RASGEF1A: variants seen among roughly 807,000 people sequenced by gnomAD.
The protein encoded by RASGEF1A is RasGEF domain family member 1A.
RASGEF1A carries 18 observed loss-of-function variants against 56.4 expected under a neutral mutation model. That is an observed-to-expected ratio of 0.32 (90% CI 0.22 to 0.47). RASGEF1A has a LOEUF of 0.47. RASGEF1A is among the 20% of genes least tolerant of loss of function. The pLI is 1.00. For synonymous variants in RASGEF1A, 245 were observed against 242.6 expected (o/e 1.01, Z -0.09); for missense variants, 422 against 627.1 (o/e 0.67, Z 3.49).
chr10:43,239,411 A>C (rs1463076104), intron 1 of RASGEF1A, among the ~76,000 whole-genome samples: 1 of 152,044 alleles, frequency 6.6e-6, no homozygotes, highest in African/African-American at 2.4e-5. Flanking sequence ...ACCTCCAAAA[A>C]CCCTCTCTTC....
intron 1 of RASGEF1A, among the ~76,000 whole-genome samples, chr10:43,215,952 C>T (rs1055450309): frequency 1.4e-4 from 22 of 152,320 alleles, no homozygotes; most frequent in Admixed American, 5.9e-4. Flanking sequence ...TGGGAAAGGA[C>T]GAGCAGAGTG....
At chr10:43,204,547 C>A (rs1420612775) in intron 2 of RASGEF1A, among the ~76,000 whole-genome samples, 1 of 152,180 alleles carries the variant, frequency 6.6e-6, no homozygotes, top group African/African-American at 2.4e-5. Flanking sequence ...GAGCTCTTGG[C>A]CAAGGGCAGG....
chr10:43,220,123 T>C (rs1345858676), intron 1 of RASGEF1A, among the ~76,000 whole-genome samples: 1 of 152,202 alleles, frequency 6.6e-6, no homozygotes, highest in Non-Finnish European at 1.5e-5. Flanking sequence ...CCCTGGGGGC[T>C]GGTAACCGGT....
intron 1 of RASGEF1A, among the ~76,000 whole-genome samples, chr10:43,255,206 C>T (rs1840674838): frequency 6.6e-6 from 1 of 152,190 alleles, no homozygotes; most frequent in South Asian, 2.1e-4. Context: ...CCCAAAGTCA[C>T]TATGCTGCAC....
chr10:43,207,156 G>T (rs1011036226), intron 1 of RASGEF1A: 1 of 985,478 alleles, frequency 1.0e-6, no homozygotes, highest in Non-Finnish European at 1.2e-6. Flanking sequence ...CTGTGGCCTT[G>T]CCTGCACACA....
intron 1 of RASGEF1A, among the ~76,000 whole-genome samples, chr10:43,226,135 G>C (rs918145284): frequency 7.2e-5 from 11 of 152,360 alleles, no homozygotes; most frequent in African/African-American, 2.6e-4. Flanking sequence ...CCAGCCAGCA[G>C]CAGGGGCCAG....
At chr10:43,206,578 G>A (rs1235445012) in intron 1 of RASGEF1A, 1 of 1,000,576 alleles carries the variant, frequency 1.0e-6, no homozygotes, top group Non-Finnish European at 1.2e-6. Flanking sequence ...GTGTGCAGCG[G>A]GGAGCTGGGA....
intron 1 of RASGEF1A, among the ~76,000 whole-genome samples, chr10:43,222,594 C>T (rs924724790): frequency 2.8e-4 from 42 of 152,250 alleles, no homozygotes; most frequent in African/African-American, 8.9e-4. Context: ...GGAAGCTCCA[C>T]GCCCCTTCTC....
In RASGEF1A at chr10:43,211,694, C is replaced by T. The variant is rs140508405; in HGVS notation, c.-6-5572G>A. Among the ~76,000 whole-genome samples, 3 of 152,262 alleles carry T rather than the reference C, an allele frequency of 2.0e-5. 1 individual carries two copies. The East Asian group carries it at 5.8e-4, about 29-fold the overall frequency. ...CAGGTGATACCATCCTGAGAGGCCC[C>T]CCACAGCTGCACCCCCAGTCTCTCA... is the stretch of plus-strand genomic sequence containing the variant. On this transcript the variant is annotated intron_variant, in intron 1 of 12. Coordinates refer to ENST00000395810, the MANE Select transcript of RASGEF1A (RefSeq NM_145313.4).
rs1274226639 is a variant in RASGEF1A at position 43,248,096 on chromosome 10, C to T, written c.-7+18749G>A. On this transcript the variant is annotated intron_variant, in intron 1 of 12. Coordinates refer to ENST00000395810, the MANE Select transcript of RASGEF1A (RefSeq NM_145313.4). ...CATGGCCGAGTGTGGTAGCTCATGCCTATAATCCCAGCACTTTGGGAGGCT... is the reference window on the plus strand; with the variant it reads ...CATGGCCGAGTGTGGTAGCTCATGCTTATAATCCCAGCACTTTGGGAGGCT... Among the ~76,000 whole-genome samples, 3 of 150,614 alleles carry T rather than the reference C, an allele frequency of 2.0e-5. No individual in the cohort carries two copies. The East Asian group carries it at 5.8e-4, about 29-fold the overall frequency.
At chr10:43,266,469 A>C (rs1049546176) in intron 1 of RASGEF1A, among the ~76,000 whole-genome samples, 3 of 149,344 alleles carry the variant, frequency 2.0e-5, no homozygotes, top group South Asian at 2.1e-4. Flanking sequence ...CCCAGCCCCC[A>C]CCCCCACGCC....
chr10:43,200,351 C>T, intron 5 of RASGEF1A, 95 bp from the exon 6 acceptor site: 1 of 1,089,482 alleles, frequency 9.2e-7, no homozygotes, highest in Non-Finnish European at 1.4e-6. Flanking sequence ...AGGAGCTGCC[C>T]AGGGCACAGG....
At chr10:43,255,576 C>T (rs1840678740) in intron 1 of RASGEF1A, among the ~76,000 whole-genome samples, 1 of 152,256 alleles carries the variant, frequency 6.6e-6, no homozygotes, top group South Asian at 2.1e-4. Context: ...GCCATGTACC[C>T]TCTGCAGCCA....
At chr10:43,208,213 C>T (rs1370037865) in intron 1 of RASGEF1A, 8 of 985,370 alleles carry the variant, frequency 8.1e-6, no homozygotes, top group Non-Finnish European at 3.6e-6. Context: ...TGGGCCTCCT[C>T]ACCCCAAGCT....
At chr10:43,258,822 T>C (rs1836475004) in intron 1 of RASGEF1A, among the ~76,000 whole-genome samples, 1 of 152,222 alleles carries the variant, frequency 6.6e-6, no homozygotes, top group African/African-American at 2.4e-5. Flanking sequence ...CTGGCCCTCC[T>C]GGCAAGCTGG....
chr10:43,199,730 G>C lies in RASGEF1A; in HGVS notation c.795C>G (p.Ala265=). 6.2e-7 allele frequency: 1 copy of C among 1,613,726 alleles called. No individual in the cohort carries two copies. Among genetic ancestry groups the C allele is most frequent in the Non-Finnish European group, 8.5e-7 (1 of 1,180,020 alleles). Residue 265 remains alanine (A), a synonymous_variant, in exon 7 of 13, where the codon GCC becomes GCG. Transcript: ENST00000395810. ...GDLTKTYSLE[A]YDNWFNCLSM... ...TCAGGCAGTTGAACCAGTTGTCATAGGCCTCCAGGCTGTAGGTCTTGGTCA... is the reference window on the plus strand; with the variant it reads ...TCAGGCAGTTGAACCAGTTGTCATACGCCTCCAGGCTGTAGGTCTTGGTCA...
intron 1 of RASGEF1A, among the ~76,000 whole-genome samples, chr10:43,252,555 C>T (rs996672681): frequency 2.6e-5 from 4 of 152,122 alleles, no homozygotes; most frequent in Non-Finnish European, 2.9e-5. Context: ...AACCCAACTG[C>T]CTGGCCAGGC....
intron 1 of RASGEF1A, among the ~76,000 whole-genome samples, chr10:43,212,673 G>A (rs142717722): frequency 7.2e-5 from 11 of 152,372 alleles, no homozygotes; most frequent in Non-Finnish European, 1.5e-4. Context: ...TTCAGTGCAA[G>A]TGAACACTGC....
intron 4 of RASGEF1A, among the ~76,000 whole-genome samples, chr10:43,201,296 C>G (rs1294143733): frequency 6.6e-6 from 1 of 152,186 alleles, no homozygotes; most frequent in East Asian, 1.9e-4. Context: ...GCCTGGGGTC[C>G]CTGGCTCCTC....
Sources: gnomAD v4.1 joint callset for allele counts (sites outside exome capture counted in the v4.1 genomes callset) on GRCh38, gnomAD v4.1.1 for gene constraint, MANE v1.5 for transcripts, NCBI Gene and HGNC (gene_info 2026-07-23, HGNC 2026-07-21) for gene names.